The following PALLD variants were observed in gnomAD, a reference collection of about 807,000 sequenced individuals.
PALLD encodes the protein palladin, cytoskeletal associated protein, also known as palladin.
Under a neutral mutation model 123.5 loss-of-function variants are expected in PALLD, and 61 were observed. That is an observed-to-expected ratio of 0.49 (90% CI 0.40 to 0.61). PALLD has a LOEUF of 0.61. Ranked by LOEUF, PALLD falls within the 20% of genes least tolerant of loss-of-function variation. The probability of loss-of-function intolerance (pLI) is 0.00; values close to 1 mark genes in which losing one functional copy is unlikely to be tolerated. For missense variants in PALLD, 1,273 were observed against 1,377.0 expected (o/e 0.92, Z 1.20); for synonymous variants, 465 against 496.4 (o/e 0.94, Z 0.84).
intron 10 of PALLD, chr4:168,878,396 T>C: frequency 6.7e-7 from 1 of 1,486,616 alleles, no homozygotes; most frequent in Non-Finnish European, 8.9e-7. Flanking sequence ...CACCCCCGCG[T>C]GAGTAACCGC....
intron 10 of PALLD, among the ~76,000 whole-genome samples, chr4:168,738,548 C>T (rs76754666): frequency 7.3e-5 from 11 of 150,338 alleles, no homozygotes; most frequent in Non-Finnish European, 1.2e-4. Context: ...CTCCTGCCTC[C>T]GCCTCCCAAA....
chr4:168,889,138 TTGTGTG>T (rs143065658), intron 10 of PALLD, among the ~76,000 whole-genome samples: 11 of 132,252 alleles, frequency 8.3e-5, no homozygotes, highest in East Asian at 4.3e-4. Flanking sequence ...TTGCTTTATT[TTGTGTG>T]TGTGTGTGTG....
chr4:168,497,605 T>C (rs926849012), intron 1 of PALLD, among the ~76,000 whole-genome samples: 2 of 152,222 alleles, frequency 1.3e-5, no homozygotes, highest in Non-Finnish European at 2.9e-5. Flanking sequence ...GATGATGGCT[T>C]AAAGTGATAG....
Position 168,634,269 on chromosome 4 carries a change from C to T in PALLD, c.909-33921C>T, listed in dbSNP as rs545825500. The stretch of plus-strand genomic sequence containing the variant: ...TTATAAAATGTAATGACATAAACTT[C>T]GAGCTTTCCTGGCTTTTCAATTTCC... On this transcript the variant is annotated intron_variant, in intron 2 of 21. Coordinates refer to ENST00000505667, the MANE Select transcript of PALLD (RefSeq NM_001166108.2). Among the ~76,000 whole-genome samples, 12 of 152,284 alleles carry T rather than the reference C, an allele frequency of 7.9e-5. No individual in the cohort carries two copies. The East Asian group carries it at 1.3e-3, about 17-fold the overall frequency.
At chr4:168,698,308 G>GGCTCATCTCATTTCCTCA (rs1561414028) in intron 8 of PALLD, among the ~76,000 whole-genome samples, 1 of 152,162 alleles carries the variant, frequency 6.6e-6, no homozygotes. Context: ...CAGGGTGACT[G>GGCTCATCTCATTTCCTCA]TAGTCAATAA....
intron 2 of PALLD, among the ~76,000 whole-genome samples, chr4:168,544,050 G>A (rs559419861): frequency 6.6e-6 from 1 of 152,264 alleles, no homozygotes; most frequent in East Asian, 1.9e-4. Context: ...CAAATTTCTT[G>A]ACTTAATTCT....
chr4:168,885,849 A>G (rs539817708), intron 10 of PALLD, among the ~76,000 whole-genome samples: 3 of 152,358 alleles, frequency 2.0e-5, no homozygotes, highest in African/African-American at 4.8e-5. Flanking sequence ...TGTACCTGCT[A>G]TCTACAAGGC....
chr4:168,572,588 A>C (rs1769110574), intron 2 of PALLD, among the ~76,000 whole-genome samples: 1 of 151,890 alleles, frequency 6.6e-6, no homozygotes, highest in Non-Finnish European at 1.5e-5. Context: ...ACTTGATTTG[A>C]TATCCCCCTT....
intron 2 of PALLD, among the ~76,000 whole-genome samples, chr4:168,578,644 A>T (rs1484848762): frequency 6.6e-6 from 1 of 152,074 alleles, no homozygotes; most frequent in Non-Finnish European, 1.5e-5. Flanking sequence ...TGTTCTAAAC[A>T]ATAAGACTGT....
intron 1 of PALLD, among the ~76,000 whole-genome samples, chr4:168,497,811 G>A (rs1760908069): frequency 6.6e-6 from 1 of 152,202 alleles, no homozygotes; most frequent in Non-Finnish European, 1.5e-5. Context: ...CTCGAGTCCA[G>A]TCAAGTTTAA....
chr4:168,738,916 A>G (rs1788048073), intron 10 of PALLD, among the ~76,000 whole-genome samples: 1 of 152,194 alleles, frequency 6.6e-6, no homozygotes, highest in African/African-American at 2.4e-5. Flanking sequence ...CTTAGAAATA[A>G]AAGGAAAAGA....
chr4:168,751,933 T>C (rs1731112443), intron 10 of PALLD, among the ~76,000 whole-genome samples: 1 of 152,180 alleles, frequency 6.6e-6, no homozygotes, highest in Non-Finnish European at 1.5e-5. Context: ...AATAAGATTG[T>C]CCTAAACACT....
At chr4:168,745,924 T>C (rs1055201598) in intron 10 of PALLD, among the ~76,000 whole-genome samples, 3 of 152,160 alleles carry the variant, frequency 2.0e-5, no homozygotes, top group African/African-American at 7.2e-5. Context: ...CTGAATGTGC[T>C]TTAAATGCAT....
chr4:168,506,505 T>C (rs115602628), intron 1 of PALLD, among the ~76,000 whole-genome samples: 2,543 of 152,290 alleles, frequency 0.017, 79 homozygotes, highest in South Asian at 0.15. Context: ...CCGTTTGTCC[T>C]ATAATAACTC....
chr4:168,896,076 G>A (rs999691525), intron 12 of PALLD, among the ~76,000 whole-genome samples: 2 of 152,150 alleles, frequency 1.3e-5, no homozygotes, highest in Non-Finnish European at 2.9e-5. Context: ...CGGGTGTGGT[G>A]GCGTGCGCCT....
intron 10 of PALLD, among the ~76,000 whole-genome samples, chr4:168,774,879 G>T (rs1734966686): frequency 6.6e-6 from 1 of 151,738 alleles, no homozygotes. Flanking sequence ...ATTTTCTAAG[G>T]TTTTATATAA....
intron 1 of PALLD, among the ~76,000 whole-genome samples, chr4:168,510,700 G>A (rs965778510): frequency 1.3e-5 from 2 of 152,136 alleles, no homozygotes; most frequent in Non-Finnish European, 2.9e-5. Flanking sequence ...ATTCAAATAT[G>A]AGTGTCCATA....
In PALLD at chr4:168,833,338, G is replaced by A. The variant is rs1047588606; in HGVS notation, c.1965-57584G>A. 4.6e-5 allele frequency among the ~76,000 whole-genome samples: 7 copies of A among 152,244 alleles called. No homozygotes were observed. In the South Asian group the frequency reaches 1.2e-3, roughly 27 times the overall value. On this transcript the variant is annotated intron_variant, in intron 10 of 21. Coordinates refer to ENST00000505667, the MANE Select transcript of PALLD (RefSeq NM_001166108.2). ...TGCGCTGCGTGCCCCGAACAGGCCC[G>A]GGCACACCGAGTCCCGTTACTGGTC...
In PALLD at chr4:168,763,289, C is replaced by A. The variant is rs376220744; in HGVS notation, c.1964+51366C>A. Among the ~76,000 whole-genome samples the A allele has an allele frequency of 6.6e-5, 10 of 152,084 alleles. No homozygotes were observed. The East Asian group carries it at 1.2e-3, about 18-fold the overall frequency. On this transcript the variant is annotated intron_variant, in intron 10 of 21. Coordinates refer to ENST00000505667, the MANE Select transcript of PALLD (RefSeq NM_001166108.2). Reference sequence around the variant, plus strand: ...CAGTGTCTTTCTATGAAATTTAGACCCAATCTTCAGATACCATAGAGTACC... The same window carrying A: ...CAGTGTCTTTCTATGAAATTTAGACACAATCTTCAGATACCATAGAGTACC...
Sources: allele counts gnomAD v4.1 joint callset (sites outside exome capture counted in the v4.1 genomes callset), GRCh38; gene constraint gnomAD v4.1.1; transcripts MANE v1.5; gene names NCBI Gene and HGNC (gene_info 2026-07-23, HGNC 2026-07-21).